Variants in PGM5 observed in about 807,000 individuals in gnomAD.
The protein encoded by PGM5 is phosphoglucomutase 5.
Under a neutral mutation model 59.2 loss-of-function variants are expected in PGM5, and 23 were observed. The ratio of observed to expected loss-of-function variants is 0.39; its 90% CI spans 0.28 to 0.55. The LOEUF (loss-of-function observed/expected upper bound fraction) is 0.55, where lower values mean the gene tolerates loss of function less well. Among genes scored for constraint, PGM5 ranks in the 20% least tolerant of loss-of-function variants. The probability of loss-of-function intolerance (pLI) is 0.66; values close to 1 mark genes in which losing one functional copy is unlikely to be tolerated. For missense variants in PGM5, 574 were observed against 748.3 expected (o/e 0.77, Z 2.72); for synonymous variants, 214 against 286.0 (o/e 0.75, Z 2.54).
chr9:68,456,108 G>A (rs1209699694), intron 6 of PGM5, among the ~76,000 whole-genome samples: 1 of 152,108 alleles, frequency 6.6e-6, no homozygotes. Flanking sequence ...GTGTGTTCAA[G>A]TTTCTCTAGG....
chr9:68,359,992 A>T (rs1834546942), intron 1 of PGM5, among the ~76,000 whole-genome samples: 1 of 152,090 alleles, frequency 6.6e-6, no homozygotes, highest in African/African-American at 2.4e-5. Flanking sequence ...CTATAGGTGC[A>T]TGCCACTATG....
intron 6 of PGM5, among the ~76,000 whole-genome samples, chr9:68,443,032 G>T (rs1034731675): frequency 1.2e-4 from 18 of 152,256 alleles, no homozygotes; most frequent in African/African-American, 4.1e-4. Flanking sequence ...ATATGACCCT[G>T]TACTCCCACT....
rs143512335 is a variant in PGM5 at position 68,434,215 on chromosome 9, G to A, written c.1044-30878G>A. Among the ~76,000 whole-genome samples, 445 of 151,384 alleles carry A rather than the reference G, an allele frequency of 2.9e-3. 3 individuals carry two copies. The highest frequency in any genetic ancestry group is 4.8e-3 in the Non-Finnish European group (326 of 67,886). On this transcript the variant is annotated intron_variant, in intron 6 of 10. Transcript: ENST00000396396. ...GCCTGTAACCCGAGCTACTTGGGAGGCTGAGCCAGGAAAATGGCTTGAACC... is the reference window on the plus strand; with the variant it reads ...GCCTGTAACCCGAGCTACTTGGGAGACTGAGCCAGGAAAATGGCTTGAACC...
chr9:68,373,324 A>C (rs1347548139), intron 1 of PGM5, among the ~76,000 whole-genome samples: 2 of 151,920 alleles, frequency 1.3e-5, no homozygotes, highest in African/African-American at 4.8e-5. Flanking sequence ...GTTAATGAGC[A>C]GATCTCACAT....
At chr9:68,527,802 T>C (rs1390887662) in intron 10 of PGM5, among the ~76,000 whole-genome samples, 1 of 152,214 alleles carries the variant, frequency 6.6e-6, no homozygotes, top group Non-Finnish European at 1.5e-5. Context: ...AACCATAAAT[T>C]GCTGCCAGAT....
chr9:68,496,679 G>A (rs1392281369), intron 9 of PGM5: 2 of 152,108 alleles, frequency 1.3e-5, no homozygotes, highest in Non-Finnish European at 2.9e-5. Context: ...TTAACCTCAG[G>A]GGAAAACAAT....
At chr9:68,493,126 C>A (rs1349889892) in intron 9 of PGM5, among the ~76,000 whole-genome samples, 5 of 152,194 alleles carry the variant, frequency 3.3e-5, no homozygotes, top group African/African-American at 1.2e-4. Flanking sequence ...AGGTCCAATG[C>A]TGCCAAATAA....
At chr9:68,435,340 C>T (rs1230450134) in intron 6 of PGM5, among the ~76,000 whole-genome samples, 2 of 152,192 alleles carry the variant, frequency 1.3e-5, no homozygotes, top group Non-Finnish European at 1.5e-5. Context: ...TTCACAGATA[C>T]ATGCAACCAT....
chr9:68,510,205 G>A (rs1824726713), intron 10 of PGM5, among the ~76,000 whole-genome samples: 1 of 139,342 alleles, frequency 7.2e-6, no homozygotes, highest in South Asian at 2.3e-4. Flanking sequence ...AGGCTGGAGT[G>A]CAGTGGCGCA....
At chr9:68,382,906 A>T (rs1293304098) in intron 2 of PGM5, among the ~76,000 whole-genome samples, 11 of 152,098 alleles carry the variant, frequency 7.2e-5, no homozygotes, top group Non-Finnish European at 1.5e-5. Context: ...AATGATGGAC[A>T]CAGCCAAAGA....
chr9:68,457,780 T>C (rs969062590), intron 6 of PGM5, among the ~76,000 whole-genome samples: 2 of 152,198 alleles, frequency 1.3e-5, no homozygotes, highest in African/African-American at 4.8e-5. Flanking sequence ...TGATTTTAAA[T>C]CTTCCAAGAG....
chr9:68,513,792 G>T (rs1365403449), intron 10 of PGM5, among the ~76,000 whole-genome samples: 1 of 152,178 alleles, frequency 6.6e-6, no homozygotes, highest in East Asian at 1.9e-4. Context: ...CAAAAGCTAA[G>T]ATACTTTGAT....
intron 6 of PGM5, among the ~76,000 whole-genome samples, chr9:68,446,851 C>T (rs193179696): frequency 1.3e-5 from 2 of 152,144 alleles, no homozygotes; most frequent in African/African-American, 2.4e-5. Context: ...AGCTTTATAT[C>T]GTCTCTCTGG....
intron 6 of PGM5, among the ~76,000 whole-genome samples, chr9:68,446,375 G>A (rs565324289): frequency 9.2e-5 from 14 of 152,310 alleles, no homozygotes; most frequent in Non-Finnish European, 1.6e-4. Context: ...TCTTGTCTTC[G>A]TTGCGTCCAA....
At chr9:68,381,657 CACAA>C (rs1448589256) in intron 2 of PGM5, among the ~76,000 whole-genome samples, 13 of 149,854 alleles carry the variant, frequency 8.7e-5, no homozygotes, top group Admixed American at 2.7e-4. Flanking sequence ...CACACACACA[CACAA>C]ACACACACAC....
intron 6 of PGM5, among the ~76,000 whole-genome samples, chr9:68,410,584 G>A (rs1386821275): frequency 6.6e-6 from 1 of 151,886 alleles, no homozygotes; most frequent in Non-Finnish European, 1.5e-5. Flanking sequence ...GAGGAGGAGA[G>A]GAGGAATATC....
chr9:68,403,022 G>A (rs1822710171), intron 6 of PGM5, among the ~76,000 whole-genome samples: 1 of 152,194 alleles, frequency 6.6e-6, no homozygotes, highest in Admixed American at 6.5e-5. Flanking sequence ...GAATCAAGAT[G>A]CTGCCTGAAA....
chr9:68,527,610 A>G (rs1825005821), intron 10 of PGM5, among the ~76,000 whole-genome samples: 1 of 152,222 alleles, frequency 6.6e-6, no homozygotes, highest in Non-Finnish European at 1.5e-5. Context: ...TCTGGGCACC[A>G]ACAGGGTTAT....
chr9:68,470,981 G>T (rs1554686188), intron 7 of PGM5, among the ~76,000 whole-genome samples: 1 of 152,156 alleles, frequency 6.6e-6, no homozygotes, highest in Non-Finnish European at 1.5e-5. Flanking sequence ...ATCAACCCCT[G>T]TGCCGGGAAA....
Sources: allele counts gnomAD v4.1 joint callset (sites outside exome capture counted in the v4.1 genomes callset), GRCh38; gene constraint gnomAD v4.1.1; transcripts MANE v1.5; gene names NCBI Gene and HGNC (gene_info 2026-07-23, HGNC 2026-07-21).